Variants in MTHFD2L observed in about 807,000 individuals in gnomAD.
MTHFD2L encodes methylenetetrahydrofolate dehydrogenase (NADP+ dependent) 2 like.
In MTHFD2L, 29 loss-of-function variants were observed where a neutral mutation model predicts 34.9. The observed-to-expected ratio is 0.83, with a 90% CI of 0.62 to 1.13. The LOEUF (loss-of-function observed/expected upper bound fraction) is 1.13. MTHFD2L is among the 50% of genes most tolerant of loss of function. MTHFD2L has a pLI of 0.00. For missense variants in MTHFD2L, 481 were observed against 446.5 expected, an observed-to-expected ratio of 1.08 and a Z score of -0.70; for synonymous variants, 167 against 155.7, an observed-to-expected ratio of 1.07 and a Z score of -0.54.
intron 6 of MTHFD2L, among the ~76,000 whole-genome samples, chr4:74,280,641 TTA>T (rs1491502421): frequency 6.7e-6 from 1 of 149,050 alleles, no homozygotes; most frequent in African/African-American, 2.6e-5. Flanking sequence ...TTTTTTTTTT[TTA>T]AAAAACTGGA....
At chr4:74,239,752 A>G (rs910482649) in intron 6 of MTHFD2L, among the ~76,000 whole-genome samples, 1 of 152,198 alleles carries the variant, frequency 6.6e-6, no homozygotes, top group Non-Finnish European at 1.5e-5. Flanking sequence ...GATGAAGATA[A>G]TAATCAATAT....
At chr4:74,143,534 GA>G (rs1723407591) in intron 1 of MTHFD2L, 1 of 659,568 alleles carries the variant, frequency 1.5e-6, no homozygotes, top group Non-Finnish European at 1.9e-6. Flanking sequence ...CGGTTCCCTG[GA>G]ACCCATGTCA....
At chr4:74,170,499 C>T (rs963361698) in intron 1 of MTHFD2L, among the ~76,000 whole-genome samples, 8 of 152,064 alleles carry the variant, frequency 5.3e-5, no homozygotes, top group Non-Finnish European at 1.5e-5. Flanking sequence ...TAGAAGAAAA[C>T]GCTGGAGAAA....
intron 6 of MTHFD2L, chr4:74,266,719 A>G: frequency 3.3e-6 from 1 of 304,478 alleles, no homozygotes; most frequent in Non-Finnish European, 4.8e-6. Flanking sequence ...TGAAATCTTG[A>G]AGCTAAGAAG....
intron 6 of MTHFD2L, among the ~76,000 whole-genome samples, chr4:74,249,129 A>C (rs970142738): frequency 6.6e-6 from 1 of 151,432 alleles, no homozygotes; most frequent in Admixed American, 6.6e-5. Flanking sequence ...TCTCTTTGTA[A>C]GTCACTCAGG....
chr4:74,220,190 G>T (rs992797921), intron 5 of MTHFD2L, among the ~76,000 whole-genome samples: 1 of 151,794 alleles, frequency 6.6e-6, no homozygotes, highest in Non-Finnish European at 1.5e-5. Flanking sequence ...AAATGTAGGA[G>T]GCCAGGACTA....
At chr4:74,269,345 T>C (rs1745677930) in intron 6 of MTHFD2L, among the ~76,000 whole-genome samples, 1 of 152,118 alleles carries the variant, frequency 6.6e-6, no homozygotes, top group South Asian at 2.1e-4. Context: ...ATTTTCTAAA[T>C]GATAATATTA....
chr4:74,286,304 C>T (rs901756760), intron 7 of MTHFD2L, among the ~76,000 whole-genome samples: 1 of 152,148 alleles, frequency 6.6e-6, no homozygotes, highest in Admixed American at 6.6e-5. Context: ...AATCATGCAG[C>T]AAATAATTAT....
At chr4:74,172,678 G>A (rs1305001946) in intron 1 of MTHFD2L, among the ~76,000 whole-genome samples, 1 of 152,190 alleles carries the variant, frequency 6.6e-6, no homozygotes, top group Admixed American at 6.5e-5. Context: ...CAGGAATTCT[G>A]AATTGTAGAT....
intron 7 of MTHFD2L, among the ~76,000 whole-genome samples, chr4:74,301,460 T>C (rs946811637): frequency 6.6e-6 from 1 of 151,940 alleles, no homozygotes; most frequent in Non-Finnish European, 1.5e-5. Context: ...TGAACCTAGG[T>C]GTCGGTCCAT....
chr4:74,235,939 T>C (rs933568763), intron 6 of MTHFD2L, among the ~76,000 whole-genome samples: 1 of 152,176 alleles, frequency 6.6e-6, no homozygotes, highest in African/African-American at 2.4e-5. Flanking sequence ...GAGACAAAAT[T>C]GTGTCCTAAA....
At chr4:74,236,800 C>T (rs969945093) in intron 6 of MTHFD2L, among the ~76,000 whole-genome samples, 3 of 152,202 alleles carry the variant, frequency 2.0e-5, no homozygotes, top group Admixed American at 2.0e-4. Flanking sequence ...TATTATCACT[C>T]ACTTCATCAA....
rs907781517 is a variant in MTHFD2L, at chr4:74,302,751, T to G, written c.*942T>G. ...TAATAGGAAAACATGATACTTTCAATGTGCCAAAACTAAACCTTAGTATAC... is the reference window on the plus strand; with the variant it reads ...TAATAGGAAAACATGATACTTTCAAGGTGCCAAAACTAAACCTTAGTATAC... On this transcript the variant is annotated 3_prime_UTR_variant, in exon 8 of 8. Coordinates refer to ENST00000325278, the MANE Select transcript of MTHFD2L (RefSeq NM_001144978.3). The G allele has an allele frequency of 1.3e-5, 2 of 152,192 alleles. No homozygotes were observed. The highest frequency in any genetic ancestry group is 4.8e-5 in the African/African-American group (2 of 41,462). The allele number at this position is 152,192 out of a possible 1,614,324, so 9.4% of individuals were successfully genotyped here. A position where few individuals can be genotyped will look rare whatever the true frequency, so the allele number is the denominator to read the frequency against.
intron 6 of MTHFD2L, among the ~76,000 whole-genome samples, chr4:74,226,115 T>G (rs1168907081): frequency 6.6e-6 from 1 of 151,906 alleles, no homozygotes; most frequent in African/African-American, 2.4e-5. Context: ...ATTAGCAAAA[T>G]AGATAAAAAC....
At chr4:74,167,493 C>G (rs1408721864) in intron 1 of MTHFD2L, among the ~76,000 whole-genome samples, 1 of 152,178 alleles carries the variant, frequency 6.6e-6, no homozygotes, top group Non-Finnish European at 1.5e-5. Context: ...GACAACTAGA[C>G]AATATCAGTG....
At chr4:74,143,814 T>C (rs1382774925) in intron 1 of MTHFD2L, among the ~76,000 whole-genome samples, 1 of 152,184 alleles carries the variant, frequency 6.6e-6, no homozygotes, top group Non-Finnish European at 1.5e-5. Context: ...ATATAACTTA[T>C]GAGAAGAAAG....
intron 6 of MTHFD2L, among the ~76,000 whole-genome samples, chr4:74,270,309 T>A (rs1745798515): frequency 1.3e-5 from 2 of 151,986 alleles, no homozygotes; most frequent in Non-Finnish European, 2.9e-5. Flanking sequence ...TCATAATGTT[T>A]TCCCTCCCCC....
chr4:74,260,338 T>A (rs1744525606), intron 6 of MTHFD2L, among the ~76,000 whole-genome samples: 2 of 152,146 alleles, frequency 1.3e-5, no homozygotes, highest in African/African-American at 4.8e-5. Context: ...TCTCAATGCC[T>A]TCTTTCTGAA....
intron 6 of MTHFD2L, among the ~76,000 whole-genome samples, chr4:74,255,573 T>C (rs1338994545): frequency 1.3e-5 from 2 of 152,144 alleles, no homozygotes; most frequent in Non-Finnish European, 2.9e-5. Flanking sequence ...AGGTTTGGGG[T>C]ATGAAATGAT....
Sources: allele counts gnomAD v4.1 joint callset (sites outside exome capture counted in the v4.1 genomes callset), GRCh38; gene constraint gnomAD v4.1.1; transcripts MANE v1.5; gene names NCBI Gene and HGNC (gene_info 2026-07-23, HGNC 2026-07-21).